Variants in TRIP11 observed in about 807,000 individuals in gnomAD.
TRIP11 encodes thyroid receptor-interacting protein 11.
A neutral mutation model predicts 223.1 loss-of-function variants in TRIP11; 148 were observed. The ratio of observed to expected loss-of-function variants is 0.66; its 90% CI spans 0.58 to 0.76. The LOEUF (loss-of-function observed/expected upper bound fraction) is 0.76. Ranked by LOEUF, TRIP11 falls within the 30% of genes least tolerant of loss-of-function variation. The pLI is 0.00. For synonymous variants in TRIP11, 762 were observed against 772.6 expected (o/e 0.99, Z 0.23); for missense variants, 2,043 against 2,222.0 (o/e 0.92, Z 1.62).
rs2056874117 is a variant in TRIP11 at position 92,004,640 on chromosome 14, A to AT, written c.3335dup (p.Asn1112LysfsTer2). The AT allele has an allele frequency of 6.2e-7, 1 of 1,613,954 alleles. No individual in the cohort carries two copies. Among genetic ancestry groups the AT allele is most frequent in the Non-Finnish European group, 8.5e-7 (1 of 1,180,010 alleles). On this transcript the variant is annotated frameshift_variant, in exon 11 of 21. Transcript: ENST00000267622. LOFTEE classifies it high-confidence loss of function. ...TGTGATATTCTGTTTTTAGATGGCTATTTTCCCTAGTCTTCTCATTCAAAA... is the reference window on the plus strand; with the variant it reads ...TGTGATATTCTGTTTTTAGATGGCTATTTTTCCCTAGTCTTCTCATTCAAAA...
In TRIP11 at chr14:92,005,326, C is replaced by G. The variant is rs1179725626; in HGVS notation, c.2650G>C (p.Asp884His). 1 of 1,614,040 alleles carries G rather than the reference C, an allele frequency of 6.2e-7. No individual in the cohort carries two copies. The highest frequency in any genetic ancestry group is 8.5e-7 in the Non-Finnish European group (1 of 1,180,024). Residue 884 changes from aspartate to histidine, a missense_variant, in exon 11 of 21, where the codon GAC becomes CAC. Transcript: ENST00000267622. Reference sequence around the variant, plus strand: ...GTAACACTATCAAGGGTTTTAGGGTCAGCCACAGGTGCGGTTCGACTCTGC... The same window carrying G: ...GTAACACTATCAAGGGTTTTAGGGTGAGCCACAGGTGCGGTTCGACTCTGC... ...EEQSRTAPVADPKTLDSVTEL... is the reference protein window; with the variant it reads ...EEQSRTAPVAHPKTLDSVTEL...
intron 13 of TRIP11, among the ~76,000 whole-genome samples, chr14:91,997,988 T>A (rs552345355): frequency 6.6e-6 from 1 of 152,280 alleles, no homozygotes; most frequent in South Asian, 2.1e-4. Context: ...AGCCAAATGA[T>A]CACTCATTGT....
Position 92,003,736 on chromosome 14 carries a change from G to A in TRIP11, c.4240C>T (p.Leu1414Phe). Residue 1414 changes from leucine to phenylalanine, a missense_variant, in exon 11 of 21, where the codon CTC (leucine) becomes TTC (phenylalanine). Transcript: ENST00000267622. ...TGATCACTTTTGGCTTTGATTAAGA[G>A]GTCTTTTTCCTTAAGTAACTTTTGC... ...VLQKLLKEKDLLIKAKSDQLL... is the reference protein window; with the variant it reads ...VLQKLLKEKDFLIKAKSDQLL... The A allele has an allele frequency of 6.2e-7, 1 of 1,614,126 alleles. No individual in the cohort carries two copies. The highest frequency in any genetic ancestry group is 8.5e-7 in the Non-Finnish European group (1 of 1,180,016).
At position 91,993,842 on chromosome 14, in the gene TRIP11, T is replaced by G. The variant is rs2056713039; in HGVS notation, c.5127A>C (p.Ala1709=). Residue 1709 remains alanine, a synonymous_variant, in exon 15 of 21, where the codon GCA becomes GCC. Transcript: ENST00000267622. The part of the protein sequence containing the change: ...KQLIAEWKKN[A]ENLEGKVISL... ...ATATCACTTTTCCTTCCAGATTTTCTGCGTTTTTCTTCCATTCAGCTATAA... is the reference window on the plus strand; with the variant it reads ...ATATCACTTTTCCTTCCAGATTTTCGGCGTTTTTCTTCCATTCAGCTATAA... The G allele has an allele frequency of 6.2e-7, 1 of 1,613,846 alleles. No homozygotes were observed. Among genetic ancestry groups the G allele is most frequent in the Non-Finnish European group, 8.5e-7 (1 of 1,179,918 alleles).
chr14:92,012,151 T>C (rs985559803), intron 7 of TRIP11, among the ~76,000 whole-genome samples: 3 of 152,198 alleles, frequency 2.0e-5, no homozygotes, highest in Non-Finnish European at 2.9e-5. Context: ...TGGTTTAAGA[T>C]TGGAGGAAAA....
intron 4 of TRIP11, among the ~76,000 whole-genome samples, chr14:92,020,289 A>C (rs2057094371): frequency 6.6e-6 from 1 of 152,030 alleles, no homozygotes; most frequent in Non-Finnish European, 1.5e-5. Context: ...AAAAGATTCC[A>C]AAATCCAAAA....
rs940647027 is a variant in TRIP11, at chr14:91,976,268, A to T, written c.5261-79T>A. ...ATGACTATATAATGAAATTTATGAGATCTTTATTATAACCTCTGAATATAT... is the reference window on the plus strand; with the variant it reads ...ATGACTATATAATGAAATTTATGAGTTCTTTATTATAACCTCTGAATATAT... On this transcript the variant is annotated intron_variant, in intron 16 of 20. Coordinates refer to ENST00000267622, the MANE Select transcript of TRIP11 (RefSeq NM_004239.4). 3 of 1,157,228 alleles carry T rather than the reference A, an allele frequency of 2.6e-6. No homozygotes were observed. The African/African-American group carries it at 4.6e-5, about 18-fold the overall frequency. 71.7% of individuals were successfully genotyped at this position (1,157,228 alleles called of 1,614,324 possible).
At position 91,995,452 on chromosome 14, in the gene TRIP11, C is replaced by T. The variant is rs762190673; in HGVS notation, c.4956G>A (p.Arg1652=). 1.9e-6 allele frequency: 3 copies of T among 1,614,078 alleles called. No individual in the cohort carries two copies. Among genetic ancestry groups the T allele is most frequent in the South Asian group, 2.2e-5 (2 of 91,082 alleles). The change falls in exon 14 of 21, where the codon AGG becomes AGA. Residue 1652 remains arginine (R), a synonymous_variant. Coordinates refer to ENST00000267622, the MANE Select transcript of TRIP11 (RefSeq NM_004239.4). ...QEQLNVVSKQ[R]DETALQLSVS... ...CAGAAAGCTGCAGCGCAGTTTCATC[C>T]CTTTGCTTGGAAACTACATTCAACT...
At chr14:92,010,256 C>T (rs1346950869) in intron 9 of TRIP11, among the ~76,000 whole-genome samples, 1 of 152,018 alleles carries the variant, frequency 6.6e-6, no homozygotes. Flanking sequence ...TTTCACCAGG[C>T]GTGGTGGCTC....
Position 92,011,061 on chromosome 14 carries a change from A to C in TRIP11, c.1239T>G (p.Leu413=). ...TTTTAAGTTTCAGATTGTCTTCAGC[A>C]AGACTGTTATCCTACAAAAATGTTA... ...RLSSLNQDNS[L]AEDNLKLKMR... Residue 413 remains leucine (L), a synonymous_variant, in exon 9 of 21, where the codon CTT becomes CTG. Coordinates refer to ENST00000267622, the MANE Select transcript of TRIP11 (RefSeq NM_004239.4). The C allele has an allele frequency of 6.2e-7, 1 of 1,614,046 alleles. No homozygotes were observed. Among genetic ancestry groups the C allele is most frequent in the South Asian group, 1.1e-5 (1 of 91,088 alleles).
chr14:92,019,672 C>G (rs1336067825), intron 4 of TRIP11, among the ~76,000 whole-genome samples: 9 of 152,130 alleles, frequency 5.9e-5, no homozygotes, highest in Admixed American at 5.2e-4. Context: ...CTCCAGGTCT[C>G]ATGTCTACAA....
chr14:91,981,132 C>T (rs1446029941), intron 16 of TRIP11, among the ~76,000 whole-genome samples: 3 of 147,892 alleles, frequency 2.0e-5, no homozygotes, highest in South Asian at 2.2e-4. Flanking sequence ...TCTCCTGCCT[C>T]GGTCTCGCGA....
chr14:91,972,690 A>G (rs1478273416), intron 20 of TRIP11, 27 bp downstream of exon 20: 2 of 1,587,518 alleles, frequency 1.3e-6, no homozygotes, highest in East Asian at 4.5e-5. Flanking sequence ...TTTTCAAATT[A>G]TAGAAAAATT....
rs745412782 is a variant in TRIP11, at chr14:92,014,415, C to T, written c.986G>A (p.Arg329Lys). ...NKKLSSAEND[R>K]DILRREQEQL... ...TTCTTGTTCTCTCCTCAAAATATCT[C>T]TGTCATTTTCTGCAGAAGATAATTT... The change falls in exon 7 of 21, where the codon AGA becomes AAA. Residue 329 changes from arginine to lysine, a missense_variant. By Grantham distance (26) the Arg-to-Lys change is conservative. Coordinates refer to ENST00000267622, the MANE Select transcript of TRIP11 (RefSeq NM_004239.4). 3 of 1,611,228 alleles carry T rather than the reference C, an allele frequency of 1.9e-6. No homozygotes were observed. Among genetic ancestry groups the T allele is most frequent in the South Asian group, 2.2e-5 (2 of 90,532 alleles).
intron 16 of TRIP11, chr14:91,977,073 G>A (rs1393334341): frequency 3.7e-6 from 1 of 273,164 alleles, no homozygotes; most frequent in Non-Finnish European, 7.3e-6. Flanking sequence ...GAAATAAAGA[G>A]GAGAGCTCTA....
At chr14:92,023,695 C>T (rs2057142419) in intron 3 of TRIP11, among the ~76,000 whole-genome samples, 1 of 152,144 alleles carries the variant, frequency 6.6e-6, no homozygotes, top group African/African-American at 2.4e-5. Context: ...GTAGGAGGAA[C>T]TACTGTTCTA....
intron 15 of TRIP11, among the ~76,000 whole-genome samples, chr14:91,989,453 C>G (rs2056646322): frequency 6.6e-6 from 1 of 150,440 alleles, no homozygotes; most frequent in Non-Finnish European, 1.5e-5. Context: ...ATCCTGGGCT[C>G]TATTTCTGGA....
intron 2 of TRIP11, among the ~76,000 whole-genome samples, chr14:92,028,545 C>T (rs1178031715): frequency 6.6e-6 from 1 of 152,090 alleles, no homozygotes; most frequent in Non-Finnish European, 1.5e-5. Context: ...CAGAGCAAGA[C>T]CCTGTCTCAA....
Position 92,006,016 on chromosome 14 carries a change from A to T in TRIP11, c.1960T>A (p.Leu654Ile), listed in dbSNP as rs1201507668. 9 of 1,590,606 alleles carry T rather than the reference A, an allele frequency of 5.7e-6. No homozygotes were observed. The highest frequency in any genetic ancestry group is 7.7e-6 in the Non-Finnish European group (9 of 1,172,312). Residue 654 changes from leucine (L) to isoleucine (I), a missense_variant, in exon 11 of 21, where the codon TTA becomes ATA. By Grantham distance (5) the Leu-to-Ile change is conservative (BLOSUM62 2). Transcript: ENST00000267622. ...TCTAATTCTGAAAGATTTTGCTTTA[A>T]GTTTCTAACTTCAGCTTCTCTTTCT... ...LKEREAEVRN[L>I]KQNLSELEQL...
Sources: allele counts gnomAD v4.1 joint callset (sites outside exome capture counted in the v4.1 genomes callset), GRCh38; gene constraint gnomAD v4.1.1; transcripts MANE v1.5; gene names NCBI Gene and HGNC (gene_info 2026-07-23, HGNC 2026-07-21).